CCSER1: variants seen among roughly 807,000 people sequenced by gnomAD.
CCSER1 encodes the protein coiled-coil serine rich protein 1.
CCSER1 carries 41 observed loss-of-function variants against 82.0 expected under a neutral mutation model. The observed-to-expected ratio is 0.50, with a 90% confidence interval of 0.39 to 0.65. The LOEUF (loss-of-function observed/expected upper bound fraction) is 0.65, where lower values mean the gene tolerates loss of function less well. CCSER1 is among the 30% of genes least tolerant of loss of function. The pLI, the probability that CCSER1 is intolerant of heterozygous loss-of-function variation, is 0.00. For missense variants in CCSER1, 1,119 were observed against 1,064.2 expected (o/e 1.05, Z -0.72); for synonymous variants, 414 against 383.9 (o/e 1.08, Z -0.92).
intron 10 of CCSER1, among the ~76,000 whole-genome samples, chr4:91,408,128 AAGATAAAGAG>A (rs1315712980): frequency 6.6e-6 from 1 of 152,178 alleles, no homozygotes; most frequent in Non-Finnish European, 1.5e-5. Context: ...CAGTTGTATT[AAGATAAAGAG>A]AGATGTTCAT....
At chr4:90,749,853 T>C (rs1429132923) in intron 7 of CCSER1, among the ~76,000 whole-genome samples, 1 of 151,760 alleles carries the variant, frequency 6.6e-6, no homozygotes, top group Admixed American at 6.6e-5. Context: ...TCTAGATCCC[T>C]GAGGAATCGC....
chr4:91,247,318 C>T (rs1473709986), intron 10 of CCSER1, among the ~76,000 whole-genome samples: 2 of 149,106 alleles, frequency 1.3e-5, no homozygotes, highest in African/African-American at 4.9e-5. Context: ...AAAAAAAAAG[C>T]CTGGAATTAA....
intron 5 of CCSER1, among the ~76,000 whole-genome samples, chr4:90,514,119 A>G (rs766648738): frequency 9.9e-5 from 15 of 152,200 alleles, no homozygotes; most frequent in Non-Finnish European, 1.9e-4. Context: ...CTGAAATTTC[A>G]GAGGAGAGAA....
chr4:90,616,429 C>T (rs1424991205), intron 5 of CCSER1, among the ~76,000 whole-genome samples: 1 of 151,944 alleles, frequency 6.6e-6, no homozygotes, highest in South Asian at 2.1e-4. Context: ...ACCTGTAATC[C>T]TAGCACTTTG....
intron 1 of CCSER1, among the ~76,000 whole-genome samples, chr4:90,155,424 C>T (rs2153356998): frequency 6.6e-6 from 1 of 152,152 alleles, no homozygotes; most frequent in Non-Finnish European, 1.5e-5. Context: ...CCCTCTTTTT[C>T]TGTTGATTGG....
chr4:90,490,963 C>T (rs911275455), intron 5 of CCSER1, among the ~76,000 whole-genome samples: 5 of 152,068 alleles, frequency 3.3e-5, no homozygotes, highest in South Asian at 4.1e-4. Context: ...CATAATGCCT[C>T]CAGCTTTGTT....
chr4:91,485,073 G>T (rs1011178241), intron 10 of CCSER1, among the ~76,000 whole-genome samples: 3 of 151,970 alleles, frequency 2.0e-5, no homozygotes, highest in African/African-American at 7.3e-5. Context: ...TAATTTCTCA[G>T]CTAAAAGTCA....
At chr4:91,164,119 G>A (rs1731759195) in intron 10 of CCSER1, among the ~76,000 whole-genome samples, 1 of 152,166 alleles carries the variant, frequency 6.6e-6, no homozygotes, top group Admixed American at 6.5e-5. Context: ...TTGTAAGGCA[G>A]GCCTGGTGGT....
chr4:90,740,883 T>C (rs1746445346), intron 7 of CCSER1, among the ~76,000 whole-genome samples: 1 of 152,180 alleles, frequency 6.6e-6, no homozygotes, highest in African/African-American at 2.4e-5. Flanking sequence ...AAAGGATTCA[T>C]TTAAGAAATT....
At chr4:91,488,053 T>C (rs1454931453) in intron 10 of CCSER1, among the ~76,000 whole-genome samples, 1 of 152,064 alleles carries the variant, frequency 6.6e-6, no homozygotes, top group East Asian at 1.9e-4. Context: ...CATTTGAAAA[T>C]AACTAAATTT....
chr4:90,365,071 C>T (rs1271950281), intron 3 of CCSER1, among the ~76,000 whole-genome samples: 1 of 151,546 alleles, frequency 6.6e-6, no homozygotes, highest in Non-Finnish European at 1.5e-5. Flanking sequence ...ATTGATATTG[C>T]AATCAGTGAA....
intron 8 of CCSER1, among the ~76,000 whole-genome samples, chr4:90,910,133 G>T (rs1382247324): frequency 1.3e-5 from 2 of 152,086 alleles, no homozygotes; most frequent in Non-Finnish European, 2.9e-5. Context: ...AGCAAAGTGG[G>T]AAGGGCCATC....
chr4:90,628,302 C>A (rs1723703243), intron 6 of CCSER1, 70 bp downstream of exon 6: 4 of 1,235,950 alleles, frequency 3.2e-6, no homozygotes, highest in East Asian at 2.4e-5. Flanking sequence ...CGTGGTTAGA[C>A]CCTGCTCTGT....
At chr4:91,373,877 G>T (rs75177384) in intron 10 of CCSER1, among the ~76,000 whole-genome samples, 3,628 of 152,284 alleles carry the variant, frequency 0.024, 122 homozygotes, top group African/African-American at 0.081. Flanking sequence ...ACATATGAAT[G>T]ATAAGAAAGT....
chr4:91,330,973 C>A (rs923144634), intron 10 of CCSER1, among the ~76,000 whole-genome samples: 4 of 152,126 alleles, frequency 2.6e-5, no homozygotes, highest in Non-Finnish European at 2.9e-5. Flanking sequence ...ATCCCTTTGT[C>A]CAGCTTATTC....
intron 10 of CCSER1, among the ~76,000 whole-genome samples, chr4:91,092,560 C>CA (rs1395150466): frequency 6.6e-6 from 1 of 152,174 alleles, no homozygotes; most frequent in African/African-American, 2.4e-5. Flanking sequence ...GCTGTTTTAG[C>CA]AAGAGCTGGC....
intron 6 of CCSER1, among the ~76,000 whole-genome samples, chr4:90,691,656 CAT>C (rs1735979522): frequency 6.6e-6 from 1 of 151,320 alleles, no homozygotes; most frequent in South Asian, 2.1e-4. Flanking sequence ...TATATACACA[CAT>C]GCATATGTAC....
intron 10 of CCSER1, among the ~76,000 whole-genome samples, chr4:91,420,627 T>C (rs1345483530): frequency 6.6e-6 from 1 of 152,108 alleles, no homozygotes; most frequent in Non-Finnish European, 1.5e-5. Flanking sequence ...TGGAAAACAA[T>C]GCAGTTTCTT....
chr4:90,179,860 C>T (rs1293496399), intron 1 of CCSER1, among the ~76,000 whole-genome samples: 1 of 152,092 alleles, frequency 6.6e-6, no homozygotes, highest in Non-Finnish European at 1.5e-5. Flanking sequence ...AAGAACCTTT[C>T]ATGGTTTTGT....
Sources: gnomAD v4.1 joint callset for allele counts (sites outside exome capture counted in the v4.1 genomes callset) on GRCh38, gnomAD v4.1.1 for gene constraint, MANE v1.5 for transcripts, NCBI Gene and HGNC (gene_info 2026-07-23, HGNC 2026-07-21) for gene names.